Variants in INSR observed in about 807,000 individuals in gnomAD.
INSR encodes the protein insulin receptor.
INSR carries 67 observed loss-of-function variants against 142.6 expected under a neutral mutation model. The observed-to-expected ratio is 0.47, with a 90% CI of 0.39 to 0.58. INSR has a LOEUF of 0.58. Among genes scored for constraint, INSR ranks in the 20% least tolerant of loss-of-function variants. The pLI, the probability that INSR is intolerant of heterozygous loss-of-function variation, is 0.00. For missense variants in INSR, 1,248 were observed against 1,833.2 expected, an observed-to-expected ratio of 0.68 and a Z score of 5.83; for synonymous variants, 756 against 743.1, an observed-to-expected ratio of 1.02 and a Z score of -0.28.
intron 2 of INSR, among the ~76,000 whole-genome samples, chr19:7,232,513 G>A (rs576779426): frequency 3.3e-5 from 5 of 152,302 alleles, no homozygotes; most frequent in African/African-American, 1.2e-4. Flanking sequence ...TTTATTGTAT[G>A]TTAAATATTT....
At chr19:7,222,236 T>C (rs1359040460) in intron 2 of INSR, among the ~76,000 whole-genome samples, 3 of 151,902 alleles carry the variant, frequency 2.0e-5, no homozygotes, top group African/African-American at 7.3e-5. Context: ...CTAGCCCAGC[T>C]TGGCACTTTG....
intron 1 of INSR, chr19:7,268,412 C>G (rs149664826): frequency 1.0e-6 from 1 of 984,802 alleles, no homozygotes; most frequent in African/African-American, 1.7e-5. Flanking sequence ...TTACCTTTTA[C>G]CTGGGTGTGG....
chr19:7,141,625 G>C, intron 13 of INSR, 52 bp downstream of exon 13: 11 of 1,611,468 alleles, frequency 6.8e-6, no homozygotes, highest in Non-Finnish European at 8.5e-6. Context: ...GTGCAACTCT[G>C]AAGGGGCATG....
At chr19:7,287,521 CATT>C (rs1968375768) in intron 1 of INSR, among the ~76,000 whole-genome samples, 1 of 151,960 alleles carries the variant, frequency 6.6e-6, no homozygotes, top group Non-Finnish European at 1.5e-5. Context: ...AAAAAAATCT[CATT>C]ATATACACCA....
In INSR at chr19:7,267,592, GT is replaced by G; in HGVS notation, c.404del (p.Asn135ThrfsTer2). ...CAGAACCCCGGGTGATGTTCATCAG[GT>G]TGTAGAGGCCGAGTTCCTTGAGGTG... ...MVHLKELGLY[N>X]LMNITRGSVR... On this transcript the variant is annotated frameshift_variant, in exon 2 of 22. Coordinates refer to ENST00000302850, the MANE Select transcript of INSR (RefSeq NM_000208.4). LOFTEE classifies it high-confidence loss of function. The surrounding 1 kb of genome is among the most constrained non-coding windows in gnomAD (Gnocchi z 6.3). 6.2e-7 allele frequency: 1 copy of G among 1,614,122 alleles called. No homozygotes were observed. Among genetic ancestry groups the G allele is most frequent in the Non-Finnish European group, 8.5e-7 (1 of 1,180,040 alleles).
Position 7,153,456 on chromosome 19 carries a change from ACGC to A in INSR, c.2030-532_2030-530del, listed in dbSNP as rs1454910585. On this transcript the variant is annotated intron_variant, in intron 9 of 21. Coordinates refer to ENST00000302850, the MANE Select transcript of INSR (RefSeq NM_000208.4). ...ACAAATCACACACACCACCACACCC[ACGC>A]CACACACCACACACACACCACACAC... 2.2e-3 allele frequency among the ~76,000 whole-genome samples: 296 copies of A among 132,302 alleles called. 2 individuals are homozygous for A. The highest frequency in any genetic ancestry group is 3.5e-3 in the Non-Finnish European group (214 of 60,934). 86.8% of individuals were successfully genotyped at this position (132,302 alleles called of 152,430 possible).
chr19:7,289,706 G>A (rs1009699799), intron 1 of INSR, among the ~76,000 whole-genome samples: 7 of 151,852 alleles, frequency 4.6e-5, no homozygotes, highest in Non-Finnish European at 8.8e-5. Flanking sequence ...GCACCCGGCC[G>A]AGGATTATTG....
Position 7,237,746 on chromosome 19 carries a change from G to A in INSR, c.652+29599C>T, listed in dbSNP as rs1453487843. On this transcript the variant is annotated intron_variant, in intron 2 of 21. Transcript: ENST00000302850. Reference sequence around the variant, plus strand: ...CAGGAGAATGGCGTAAACCCGGGAGGTGGAGCTTACAGTGAGCGAAGATGG... The same window carrying A: ...CAGGAGAATGGCGTAAACCCGGGAGATGGAGCTTACAGTGAGCGAAGATGG... 7.2e-5 allele frequency among the ~76,000 whole-genome samples: 11 copies of A among 152,122 alleles called. No individual in the cohort carries two copies. The East Asian group carries it at 2.1e-3, about 29-fold the overall frequency.
intron 2 of INSR, among the ~76,000 whole-genome samples, chr19:7,227,813 GT>G (rs1301788677): frequency 6.6e-6 from 1 of 152,092 alleles, no homozygotes; most frequent in Non-Finnish European, 1.5e-5. Flanking sequence ...TTTTGTTTTT[GT>G]TTTTGTTTTT....
intron 10 of INSR, among the ~76,000 whole-genome samples, chr19:7,151,162 C>CTCTCTTTCCTTTCTTTTCTT (rs1555740370): frequency 0.029 from 1,321 of 45,874 alleles, 14 homozygotes; most frequent in Non-Finnish European, 0.055. Flanking sequence ...TTCTTTCTTT[C>CTCTCTTTCCTTTCTTTTCTT]TCTTTCTTTC....
At position 7,119,638 on chromosome 19, in the gene INSR, A is replaced by ACACG. The variant is rs530035689; in HGVS notation, c.3660-56_3660-55insCGTG. On this transcript the variant is annotated intron_variant, in intron 20 of 21. Transcript: ENST00000302850. This position sits in a 1 kb window ranked among gnomAD's most constrained non-coding sequence, Gnocchi z 5.2. ...AGAAGCCATTTAGACACACACACAC[A>ACACG]CGCGCGCGCGCAAACACACACACGC... 2 of 1,567,666 alleles carry ACACG rather than the reference A, an allele frequency of 1.3e-6. No individual in the cohort carries two copies. The highest frequency in any genetic ancestry group is 1.7e-6 in the Non-Finnish European group (2 of 1,146,234).
Position 7,114,221 on chromosome 19 carries a change from CA to C in INSR, c.*2834del, listed in dbSNP as rs1393658911. ...AGTGGGCATAAACCATCAGGGAGCC[CA>C]GGGCACCTTTGTGCTCACTTCAGGG... On this transcript the variant is annotated 3_prime_UTR_variant, in exon 22 of 22. Transcript: ENST00000302850. 3.3e-5 allele frequency: 5 copies of C among 152,260 alleles called. No homozygotes were observed. Among genetic ancestry groups the C allele is most frequent in the African/African-American group, 1.2e-4 (5 of 41,554 alleles). 9.4% of individuals were successfully genotyped at this position (152,260 alleles called of 1,614,324 possible).
Position 7,279,878 on chromosome 19 carries a change from G to A in INSR, c.101-11982C>T, listed in dbSNP as rs542681017. 1.6e-4 allele frequency among the ~76,000 whole-genome samples: 24 copies of A among 152,040 alleles called. No homozygotes were observed. The East Asian group carries it at 1.7e-3, about 11-fold the overall frequency. On this transcript the variant is annotated intron_variant, in intron 1 of 21. Transcript: ENST00000302850. The stretch of plus-strand genomic sequence containing the variant: ...TAGTCCCAGCTACTCGGGAGGTTGA[G>A]GATTGCTCGAGCCTGGGAGGTGGAG...
rs1968569911 is a variant in INSR, at chr19:7,293,930, C to G, written c.-39G>C. 2 of 1,167,148 alleles carry G rather than the reference C, an allele frequency of 1.7e-6. No homozygotes were observed. Among genetic ancestry groups the G allele is most frequent in the Non-Finnish European group, 1.1e-6 (1 of 948,860 alleles). The allele number at this position is 1,167,148 out of a possible 1,614,324, so 72.3% of individuals were successfully genotyped here. On this transcript the variant is annotated 5_prime_UTR_variant, in exon 1 of 22. Transcript: ENST00000302850. ...CGGGGTCTCCTCGGATCAGAGCGCG[C>G]GGCGCTGGCCCGCGGGGGTCATGCT...
Position 7,190,117 on chromosome 19 carries a change from C to A in INSR, c.653-5480G>T, listed in dbSNP as rs1282197141. ...ATCCCAGCACTTTGGGAGGCTGAGG[C>A]GGGAGGATTGCTTGAGCCCAGGCAT... On this transcript the variant is annotated intron_variant, in intron 2 of 21. Transcript: ENST00000302850. Among the ~76,000 whole-genome samples the A allele has an allele frequency of 4.0e-5, 6 of 151,756 alleles. No homozygotes were observed. The East Asian group carries it at 9.8e-4, about 25-fold the overall frequency.
At chr19:7,184,875 C>G (rs1974388277) in intron 2 of INSR, among the ~76,000 whole-genome samples, 1 of 152,054 alleles carries the variant, frequency 6.6e-6, no homozygotes, top group Non-Finnish European at 1.5e-5. Flanking sequence ...AAATGTTTAA[C>G]AGCTGCCTGA....
chr19:7,241,608 C>T (rs550000931), intron 2 of INSR, among the ~76,000 whole-genome samples: 10 of 151,976 alleles, frequency 6.6e-5, no homozygotes, highest in Middle Eastern at 3.4e-3. Context: ...GGCGACAGAG[C>T]GAGACTGTCT....
chr19:7,293,739 G>A, intron 1 of INSR, 53 bp downstream of exon 1: 2 of 1,282,062 alleles, frequency 1.6e-6, no homozygotes, highest in Non-Finnish European at 2.0e-6. Context: ...GCTTGGGTGG[G>A]GTCCTCTCCC....
intron 1 of INSR, among the ~76,000 whole-genome samples, chr19:7,279,442 G>C (rs895490815): frequency 6.6e-6 from 1 of 151,040 alleles, no homozygotes; most frequent in African/African-American, 2.4e-5. Flanking sequence ...AGAAATGGAA[G>C]AGAAGAGGGA....
Sources: gnomAD v4.1 joint callset for allele counts (sites outside exome capture counted in the v4.1 genomes callset) on GRCh38, gnomAD v4.1.1 for gene constraint, Gnocchi (gnomAD v3.1) non-coding constraint, MANE v1.5 for transcripts, NCBI Gene and HGNC (gene_info 2026-07-23, HGNC 2026-07-21) for gene names.